The following SYT1 variants were observed in gnomAD, a reference collection of about 807,000 sequenced individuals.
The protein encoded by SYT1 is synaptotagmin 1, also known as synaptotagmin-1.
SYT1 carries 8 observed loss-of-function variants against 44.8 expected under a neutral mutation model. The ratio of observed to expected loss-of-function variants is 0.18; its 90% CI spans 0.10 to 0.32. The LOEUF (loss-of-function observed/expected upper bound fraction) is 0.32, where lower values mean the gene tolerates loss of function less well. Among genes scored for constraint, SYT1 ranks in the 10% least tolerant of loss-of-function variants. SYT1 has a pLI of 1.00. For missense variants in SYT1, 286 were observed against 509.3 expected (o/e 0.56, Z 4.22); for synonymous variants, 154 against 188.8 (o/e 0.82, Z 1.51).
chr12:78,927,597 G>C (rs1292742461), intron 1 of SYT1, among the ~76,000 whole-genome samples: 2 of 152,052 alleles, frequency 1.3e-5, no homozygotes, highest in Admixed American at 1.3e-4. Context: ...CGCCCCGCTT[G>C]TTGGTCTAAA....
At chr12:79,353,402 T>A (rs1882987608) in intron 8 of SYT1, 100 bp from the exon 9 acceptor site, 1 of 914,730 alleles carries the variant, frequency 1.1e-6, no homozygotes, top group African/African-American at 1.7e-5. Context: ...CAAATTCTAA[T>A]CAACATAATC....
At chr12:79,054,469 A>G (rs1278006999) in intron 3 of SYT1, among the ~76,000 whole-genome samples, 1 of 151,986 alleles carries the variant, frequency 6.6e-6, no homozygotes, top group African/African-American at 2.4e-5. Context: ...ACATTCACCT[A>G]AAGGAGAAAA....
chr12:79,258,908 C>T (rs1320867657), intron 4 of SYT1, among the ~76,000 whole-genome samples: 4 of 152,070 alleles, frequency 2.6e-5, no homozygotes, highest in African/African-American at 9.7e-5. Flanking sequence ...AGGCTGAATA[C>T]AAAATTGTAT....
intron 3 of SYT1, among the ~76,000 whole-genome samples, chr12:79,178,988 C>CTA (rs1872114946): frequency 2.3e-5 from 1 of 42,604 alleles, no homozygotes; most frequent in Non-Finnish European, 4.2e-5. Flanking sequence ...ATAGATATAT[C>CTA]TATATAGATA....
chr12:78,880,380 T>C (rs76867239), intron 1 of SYT1, among the ~76,000 whole-genome samples: 2 of 151,672 alleles, frequency 1.3e-5, no homozygotes, highest in Admixed American at 6.6e-5. Context: ...TACATTTATA[T>C]CTCCTCCCAC....
chr12:79,056,568 ACAAAGGGGAC>A (rs1874960914), intron 3 of SYT1, among the ~76,000 whole-genome samples: 1 of 152,036 alleles, frequency 6.6e-6, no homozygotes, highest in Non-Finnish European at 1.5e-5. Flanking sequence ...CTTTGTAATA[ACAAAGGGGAC>A]CACTTCCTCC....
At chr12:79,169,721 G>T (rs1871402368) in intron 3 of SYT1, among the ~76,000 whole-genome samples, 1 of 151,900 alleles carries the variant, frequency 6.6e-6, no homozygotes, top group Admixed American at 6.6e-5. Flanking sequence ...TTTAAATTTA[G>T]GGGTACAAGT....
At position 79,088,772 on chromosome 12, in the gene SYT1, GTGTGTGTA is replaced by G. The variant is rs1470321492; in HGVS notation, c.-18+41418_-18+41425del. Among the ~76,000 whole-genome samples, 149 of 140,550 alleles carry G rather than the reference GTGTGTGTA, an allele frequency of 1.1e-3. 1 individual carries two copies. The East Asian group carries it at 0.013, about 12-fold the overall frequency. The allele number at this position is 140,550 out of a possible 152,430, so 92.2% of individuals were successfully genotyped here. A position where few individuals can be genotyped will look rare whatever the true frequency, so the allele number is the denominator to read the frequency against. ...TGTGTGTGTGTGTGTGTGTGTGTGT[GTGTGTGTA>G]TGTGTGTGTGTGTGAGGGGGCAGAG... On this transcript the variant is annotated intron_variant, in intron 3 of 10. Transcript: ENST00000261205.
intron 1 of SYT1, among the ~76,000 whole-genome samples, chr12:78,865,951 C>G (rs1435552902): frequency 1.3e-5 from 2 of 151,550 alleles, no homozygotes; most frequent in South Asian, 4.2e-4. Flanking sequence ...TAGATTATTA[C>G]TTTCCTGAGG....
intron 8 of SYT1, among the ~76,000 whole-genome samples, chr12:79,348,310 T>C (rs1201605189): frequency 6.6e-6 from 1 of 152,174 alleles, no homozygotes; most frequent in African/African-American, 2.4e-5. Flanking sequence ...GACAATGACA[T>C]GGACTTAAGG....
rs143671254 is a variant in SYT1, at chr12:79,291,776, A to G, written c.352-232A>G. On this transcript the variant is annotated intron_variant, in intron 5 of 10. Transcript: ENST00000261205. ...TACATTTTTTGCTTGCAATATTCTG[A>G]GGGGCTTCTTCCATCGCTTCCATTT... 270 of 629,740 alleles carry G rather than the reference A, an allele frequency of 4.3e-4. 4 individuals carry two copies. In the East Asian group the frequency reaches 8.6e-3, roughly 20 times the overall value. 39.0% of individuals were successfully genotyped at this position (629,740 alleles called of 1,614,324 possible).
At chr12:79,278,513 G>A (rs914988613) in intron 4 of SYT1, among the ~76,000 whole-genome samples, 1 of 152,070 alleles carries the variant, frequency 6.6e-6, no homozygotes, top group African/African-American at 2.4e-5. Flanking sequence ...TACAGCAAGA[G>A]CAGAGCTAAG....
chr12:79,037,001 T>C (rs1873177383), intron 2 of SYT1, among the ~76,000 whole-genome samples: 1 of 151,824 alleles, frequency 6.6e-6, no homozygotes, highest in Non-Finnish European at 1.5e-5. Context: ...AATAGGATTA[T>C]AAGATACAGA....
intron 1 of SYT1, among the ~76,000 whole-genome samples, chr12:78,938,506 A>T (rs1878184338): frequency 2.0e-5 from 3 of 152,176 alleles, no homozygotes; most frequent in Admixed American, 6.6e-5. Flanking sequence ...TTCTATGGAC[A>T]TATCATCTGA....
intron 9 of SYT1, among the ~76,000 whole-genome samples, chr12:79,363,067 G>C (rs1883380549): frequency 6.6e-6 from 1 of 151,966 alleles, no homozygotes; most frequent in South Asian, 2.1e-4. Context: ...ATCCAACCCA[G>C]AATGCTTACA....
intron 9 of SYT1, among the ~76,000 whole-genome samples, chr12:79,430,537 G>A (rs1869715712): frequency 6.6e-6 from 1 of 152,156 alleles, no homozygotes; most frequent in Admixed American, 6.5e-5. Flanking sequence ...TGTAATCCCA[G>A]GACTTTGGGA....
At chr12:79,365,199 A>G (rs1198785371) in intron 9 of SYT1, among the ~76,000 whole-genome samples, 2 of 152,102 alleles carry the variant, frequency 1.3e-5, no homozygotes, top group African/African-American at 4.8e-5. Context: ...ACAAATATAT[A>G]TACATTTTAC....
At chr12:79,446,020 T>TATAC (rs1870709628) in intron 10 of SYT1, among the ~76,000 whole-genome samples, 1 of 131,280 alleles carries the variant, frequency 7.6e-6, no homozygotes, top group African/African-American at 2.8e-5. Flanking sequence ...TATATATATA[T>TATAC]ATATATATAT....
intron 8 of SYT1, among the ~76,000 whole-genome samples, chr12:79,352,323 A>G (rs1311794502): frequency 6.6e-6 from 1 of 152,122 alleles, no homozygotes; most frequent in African/African-American, 2.4e-5. Context: ...ACATATAGTC[A>G]TAATAAGGGT....
Sources: allele counts gnomAD v4.1 joint callset (sites outside exome capture counted in the v4.1 genomes callset), GRCh38; gene constraint gnomAD v4.1.1; transcripts MANE v1.5; gene names NCBI Gene and HGNC (gene_info 2026-07-23, HGNC 2026-07-21).